Variants in P3H2 observed in about 807,000 individuals in gnomAD.
P3H2 encodes leprecan-like 1.
A neutral mutation model predicts 87.0 loss-of-function variants in P3H2; 80 were observed. The observed-to-expected ratio is 0.92, with a 90% CI of 0.77 to 1.11. P3H2 has a LOEUF of 1.11. P3H2 is among the 50% of genes least tolerant of loss of function. The pLI is 0.00. For missense variants in P3H2, 1,001 were observed against 923.9 expected (o/e 1.08, Z -1.08); for synonymous variants, 367 against 359.3 (o/e 1.02, Z -0.24).
At chr3:189,959,126 T>C (rs927545533) in intron 14 of P3H2, among the ~76,000 whole-genome samples, 9 of 152,128 alleles carry the variant, frequency 5.9e-5, no homozygotes, top group African/African-American at 2.2e-4. Context: ...TATCTGATTA[T>C]ATCTCTTTCC....
At chr3:189,977,760 C>T (rs1335202262) in intron 8 of P3H2, among the ~76,000 whole-genome samples, 1 of 151,592 alleles carries the variant, frequency 6.6e-6, no homozygotes, top group Admixed American at 6.6e-5. Flanking sequence ...ACCACCATGC[C>T]TAGTTTATTT....
chr3:190,025,038 A>G (rs1725045654), intron 1 of P3H2, among the ~76,000 whole-genome samples: 1 of 152,178 alleles, frequency 6.6e-6, no homozygotes, highest in Non-Finnish European at 1.5e-5. Context: ...TACAAGTGGC[A>G]CTCTGTCGAG....
chr3:190,105,985 T>C (rs991761797), intron 1 of P3H2, among the ~76,000 whole-genome samples: 1 of 152,222 alleles, frequency 6.6e-6, no homozygotes, highest in Non-Finnish European at 1.5e-5. Flanking sequence ...GTGTCTATGA[T>C]GAAGAAATGT....
chr3:190,084,753 G>A (rs183594527), intron 1 of P3H2, among the ~76,000 whole-genome samples: 1 of 152,084 alleles, frequency 6.6e-6, no homozygotes, highest in Non-Finnish European at 1.5e-5. Flanking sequence ...TACAAGTTTA[G>A]GGTTAACACA....
intron 3 of P3H2, 126 bp downstream of exon 3, chr3:189,993,968 G>A: frequency 5.2e-6 from 4 of 768,780 alleles, no homozygotes; most frequent in Non-Finnish European, 8.2e-6. Context: ...GATAGGCTGG[G>A]ATAGACACAT....
rs1723746126 is a variant in P3H2, at chr3:189,987,593, G to A, written c.1032C>T (p.Asp344=). The change falls in exon 5 of 15, where the codon GAC becomes GAT. Residue 344 remains aspartate (D), a synonymous_variant. Transcript: ENST00000319332. ...LCHPDDEDVL[D]NVDYYESLLD... ...GCAGACTCTCATAGTAATCCACATT[G>A]TCTAGGACATCCTCATCATCTGGAT... 1 of 1,613,776 alleles carries A rather than the reference G, an allele frequency of 6.2e-7. No homozygotes were observed. The highest frequency in any genetic ancestry group is 1.7e-4 in the Middle Eastern group (1 of 6,058).
At chr3:190,087,543 C>CAAA (rs1275653964) in intron 1 of P3H2, among the ~76,000 whole-genome samples, 17 of 68,850 alleles carry the variant, frequency 2.5e-4, no homozygotes, top group Admixed American at 5.4e-4. Context: ...GACTACATCT[C>CAAA]AAAAAAAAAA....
intron 1 of P3H2, among the ~76,000 whole-genome samples, chr3:190,057,349 C>T (rs142739224): frequency 6.6e-6 from 1 of 152,256 alleles, no homozygotes; most frequent in East Asian, 1.9e-4. Flanking sequence ...CTGAGAAGCA[C>T]AGCTTTTCTG....
intron 1 of P3H2, among the ~76,000 whole-genome samples, chr3:190,040,274 G>C (rs1666397): frequency 0.81 from 122,486 of 152,142 alleles, 49,363 homozygotes; most frequent in East Asian, 0.86. Flanking sequence ...AGCACCACCA[G>C]ATATTTAAAC....
chr3:190,092,050 T>G (rs2108986267), intron 1 of P3H2, among the ~76,000 whole-genome samples: 1 of 152,192 alleles, frequency 6.6e-6, no homozygotes, highest in Middle Eastern at 3.4e-3. Context: ...CTGGTCAACA[T>G]GGTGAAACCC....
At chr3:190,074,434 C>T (rs572250583) in intron 1 of P3H2, among the ~76,000 whole-genome samples, 1 of 152,172 alleles carries the variant, frequency 6.6e-6, no homozygotes, top group East Asian at 1.9e-4. Context: ...TCACTTGAAC[C>T]CAGGAGGCGG....
At chr3:190,081,403 T>C (rs916075356) in intron 1 of P3H2, among the ~76,000 whole-genome samples, 47 of 152,324 alleles carry the variant, frequency 3.1e-4, no homozygotes, top group African/African-American at 1.1e-3. Flanking sequence ...GTGGATTATT[T>C]TTAAAAAGGC....
At chr3:189,971,828 A>G in intron 12 of P3H2, 62 bp downstream of exon 12, 2 of 995,216 alleles carry the variant, frequency 2.0e-6, no homozygotes, top group Non-Finnish European at 3.3e-6. Flanking sequence ...GCACCTTTCC[A>G]GTTTTCACTG....
rs370284557 is a variant in P3H2 at position 189,956,810 on chromosome 3, C to G, written c.*1102G>C. On this transcript the variant is annotated 3_prime_UTR_variant, in exon 15 of 15. Transcript: ENST00000319332. ...GATAGCAGCAATGAGGAGGGGCCCC[C>G]AAAATATAAGCAGATGACGGTTAAA... 3.8e-6 allele frequency: 1 copy of G among 265,414 alleles called. No individual in the cohort carries two copies. The highest frequency in any genetic ancestry group is 2.2e-5 in the African/African-American group (1 of 45,552). 16.4% of individuals were successfully genotyped at this position (265,414 alleles called of 1,614,324 possible). A position where few individuals can be genotyped will look rare whatever the true frequency, so the allele number is the denominator to read the frequency against.
At chr3:190,067,449 A>G (rs562720651) in intron 1 of P3H2, among the ~76,000 whole-genome samples, 6 of 152,180 alleles carry the variant, frequency 3.9e-5, no homozygotes, top group African/African-American at 1.4e-4. Context: ...TACACCCCAA[A>G]CAAAATAAAA....
chr3:190,054,812 A>G (rs1262816006), intron 1 of P3H2, among the ~76,000 whole-genome samples: 3 of 152,128 alleles, frequency 2.0e-5, no homozygotes. Context: ...AGTAGAAACT[A>G]AGGGAACTAA....
chr3:189,977,368 G>A (rs888276143), intron 8 of P3H2, among the ~76,000 whole-genome samples: 27 of 152,180 alleles, frequency 1.8e-4, no homozygotes, highest in Admixed American at 1.3e-3. Context: ...AATAGAGGGC[G>A]TCCTCCAGCC....
chr3:190,101,151 C>T (rs1370420862), intron 1 of P3H2, among the ~76,000 whole-genome samples: 2 of 151,868 alleles, frequency 1.3e-5, no homozygotes, highest in Non-Finnish European at 2.9e-5. Flanking sequence ...CTGTCTCTCT[C>T]CCTGTCCTCA....
intron 13 of P3H2, chr3:189,969,205 T>C: frequency 1.4e-6 from 1 of 723,102 alleles, no homozygotes; most frequent in South Asian, 1.4e-5. Flanking sequence ...CCAGCAGTCA[T>C]AATCTGTCAC....
Sources: allele counts gnomAD v4.1 joint callset (sites outside exome capture counted in the v4.1 genomes callset), GRCh38; gene constraint gnomAD v4.1.1; transcripts MANE v1.5; gene names NCBI Gene and HGNC (gene_info 2026-07-23, HGNC 2026-07-21).